Variants in RAB30 observed in about 807,000 individuals in gnomAD.
The protein encoded by RAB30 is RAB30, member RAS oncogene family, also known as ras-related protein Rab-30.
Under a neutral mutation model 25.1 loss-of-function variants are expected in RAB30, and 9 were observed. The ratio of observed to expected loss-of-function variants is 0.36; its 90% confidence interval spans 0.22 to 0.63. The LOEUF is 0.63. Among genes scored for constraint, RAB30 ranks in the 20% least tolerant of loss-of-function variants. RAB30 has a pLI of 0.69. For synonymous variants in RAB30, 77 were observed against 86.4 expected (o/e 0.89, Z 0.60); for missense variants, 140 against 243.5 (o/e 0.58, Z 2.83).
intron 4 of RAB30, among the ~76,000 whole-genome samples, chr11:82,986,621 G>C (rs1856743121): frequency 6.6e-6 from 1 of 152,216 alleles, no homozygotes; most frequent in African/African-American, 2.4e-5. Flanking sequence ...GAAAAGTCCA[G>C]CAATTTGTTA....
intron 1 of RAB30, among the ~76,000 whole-genome samples, chr11:83,070,956 A>G (rs1438609094): frequency 6.6e-6 from 1 of 152,260 alleles, no homozygotes; most frequent in Admixed American, 6.5e-5. Flanking sequence ...ATGCAATGTA[A>G]TTTAAAACAC....
Position 83,054,413 on chromosome 11 carries a change from T to C in RAB30, c.-9+17278A>G, listed in dbSNP as rs571610675. Among the ~76,000 whole-genome samples the C allele has an allele frequency of 2.0e-5, 3 of 152,340 alleles. No homozygotes were observed. In the South Asian group the frequency reaches 6.2e-4, roughly 32 times the overall value. ...TGGCATATAATAGATATAAAACTTG[T>C]GTTTGATGAATGAATAAATTAGGTT... On this transcript the variant is annotated intron_variant, in intron 1 of 4. Transcript: ENST00000527633.
Position 82,973,158 on chromosome 11 carries a change from A to T in RAB30, c.*9007T>A, listed in dbSNP as rs1328602107. The T allele has an allele frequency of 6.6e-6, 1 of 152,232 alleles. No individual in the cohort carries two copies. The highest frequency in any genetic ancestry group is 1.5e-5 in the Non-Finnish European group (1 of 68,032). The allele number at this position is 152,232 out of a possible 1,614,324, so 9.4% of individuals were successfully genotyped here. Reference sequence around the variant, plus strand: ...TGTGGGCAACAGGAAATGTTTATTTATATACAAGTACATGGGAAAGCAATT... The same window carrying T: ...TGTGGGCAACAGGAAATGTTTATTTTTATACAAGTACATGGGAAAGCAATT... On this transcript the variant is annotated 3_prime_UTR_variant, in exon 5 of 5. Coordinates refer to ENST00000527633, the MANE Select transcript of RAB30 (RefSeq NM_001286060.2).
chr11:82,991,374 G>T (rs910084991), intron 3 of RAB30, among the ~76,000 whole-genome samples: 1 of 151,828 alleles, frequency 6.6e-6, no homozygotes, highest in Admixed American at 6.6e-5. Flanking sequence ...GGGCATGGTG[G>T]CACACACCTG....
Position 82,977,798 on chromosome 11 carries a change from T to C in RAB30, c.*4367A>G, listed in dbSNP as rs1160613318. 6.6e-6 allele frequency: 1 copy of C among 152,228 alleles called. No homozygotes were observed. Among genetic ancestry groups the C allele is most frequent in the Non-Finnish European group, 1.5e-5 (1 of 68,044 alleles). 9.4% of individuals were successfully genotyped at this position (152,228 alleles called of 1,614,324 possible). A position where few individuals can be genotyped will look rare whatever the true frequency, so the allele number is the denominator to read the frequency against. On this transcript the variant is annotated 3_prime_UTR_variant, in exon 5 of 5. Transcript: ENST00000527633. ...TTCAAAGTATGGCTCCTGGAAATGA[T>C]AATAACATTCCAACATCAAGGGACT...
At chr11:83,060,306 A>C (rs1858542848) in intron 1 of RAB30, 1 of 152,216 alleles carries the variant, frequency 6.6e-6, no homozygotes, top group Admixed American at 6.5e-5. Flanking sequence ...TCATCCCTTC[A>C]TGAATACCAA....
In RAB30 at chr11:83,011,525, TA is replaced by T. The variant is rs138419973; in HGVS notation, c.-8-14202del. ...ACTCTTAGGTCTATTTCAGTAGCCA[TA>T]AGCCAAGAACATGGCGAGTACTGTG... On this transcript the variant is annotated intron_variant, in intron 1 of 4. Coordinates refer to ENST00000527633, the MANE Select transcript of RAB30 (RefSeq NM_001286060.2). Among the ~76,000 whole-genome samples, 199 of 152,314 alleles carry T rather than the reference TA, an allele frequency of 1.3e-3. 1 individual carries two copies. The highest frequency in any genetic ancestry group is 4.6e-3 in the African/African-American group (191 of 41,576).
At chr11:83,032,400 G>A (rs1188111825) in intron 1 of RAB30, among the ~76,000 whole-genome samples, 3 of 152,220 alleles carry the variant, frequency 2.0e-5, no homozygotes, top group Non-Finnish European at 2.9e-5. Context: ...CTGGTGAGGA[G>A]GAAAGGGGGT....
chr11:83,041,530 T>A lies in RAB30; in HGVS notation c.-9+30161A>T, dbSNP rs1324093346. ...AGGCTGCATACACTACCAAGGAAGCTGCTGTTTGCAGCTATTGAACACCAG... is the reference window on the plus strand; with the variant it reads ...AGGCTGCATACACTACCAAGGAAGCAGCTGTTTGCAGCTATTGAACACCAG... On this transcript the variant is annotated intron_variant, in intron 1 of 4. Coordinates refer to ENST00000527633, the MANE Select transcript of RAB30 (RefSeq NM_001286060.2). 1.9e-5 allele frequency: 4 copies of A among 211,644 alleles called. No individual in the cohort carries two copies. The East Asian group carries it at 4.5e-4, about 24-fold the overall frequency. 13.1% of individuals were successfully genotyped at this position (211,644 alleles called of 1,614,324 possible). A position where few individuals can be genotyped will look rare whatever the true frequency, so the allele number is the denominator to read the frequency against.
intron 1 of RAB30, among the ~76,000 whole-genome samples, chr11:83,002,929 C>T (rs193081546): frequency 6.6e-6 from 1 of 152,352 alleles, no homozygotes; most frequent in East Asian, 1.9e-4. Context: ...TCTGACACAC[C>T]TCCAAACCCT....
At chr11:82,982,744 C>T (rs569456095) in intron 4 of RAB30, among the ~76,000 whole-genome samples, 18 of 152,188 alleles carry the variant, frequency 1.2e-4, no homozygotes, top group African/African-American at 4.3e-4. Flanking sequence ...CACCTGTAGT[C>T]CCAGCTACTT....
chr11:83,009,867 A>G (rs1857267627), intron 1 of RAB30, among the ~76,000 whole-genome samples: 1 of 152,164 alleles, frequency 6.6e-6, no homozygotes, highest in Admixed American at 6.5e-5. Flanking sequence ...GCAAGAGGAA[A>G]ATTCTGCTTC....
rs975434012 is a variant in RAB30, at chr11:83,044,568, G to A, written c.-9+27123C>T. Among the ~76,000 whole-genome samples the A allele has an allele frequency of 4.6e-5, 7 of 151,884 alleles. No individual in the cohort carries two copies. In the East Asian group the frequency reaches 1.2e-3, roughly 25 times the overall value. Reference sequence around the variant, plus strand: ...GTCTGTTCAAAGATCTTTGAACTTCGAAAAAGTCCAGAGCAATCCCATGTA... The same window carrying A: ...GTCTGTTCAAAGATCTTTGAACTTCAAAAAAGTCCAGAGCAATCCCATGTA... On this transcript the variant is annotated intron_variant, in intron 1 of 4. Coordinates refer to ENST00000527633, the MANE Select transcript of RAB30 (RefSeq NM_001286060.2).
chr11:83,027,191 A>G (rs1048839804), intron 1 of RAB30, among the ~76,000 whole-genome samples: 4 of 152,194 alleles, frequency 2.6e-5, no homozygotes, highest in African/African-American at 9.6e-5. Context: ...ATATCCATCA[A>G]GTGAAAACTA....
chr11:82,983,077 A>G (rs1302507077), intron 4 of RAB30, among the ~76,000 whole-genome samples: 1 of 151,244 alleles, frequency 6.6e-6, no homozygotes, highest in Admixed American at 6.6e-5. Context: ...AGCGAAGCAG[A>G]AAAAAAAAGC....
At chr11:83,004,757 C>A (rs1429358368) in intron 1 of RAB30, among the ~76,000 whole-genome samples, 2 of 151,948 alleles carry the variant, frequency 1.3e-5, no homozygotes, top group African/African-American at 4.8e-5. Flanking sequence ...TGTCTCTCAC[C>A]CCCTACTATC....
intron 1 of RAB30, among the ~76,000 whole-genome samples, chr11:82,998,074 G>T (rs1856996213): frequency 6.6e-6 from 1 of 152,056 alleles, no homozygotes; most frequent in Non-Finnish European, 1.5e-5. Context: ...CCCAAATAAA[G>T]TTAAACACTT....
intron 1 of RAB30, among the ~76,000 whole-genome samples, chr11:82,999,300 T>G (rs1857024571): frequency 6.6e-6 from 1 of 152,210 alleles, no homozygotes; most frequent in Admixed American, 6.5e-5. Flanking sequence ...ACCAGATTCA[T>G]GTTCCAAAGG....
chr11:83,019,444 G>A (rs1015072311), intron 1 of RAB30, among the ~76,000 whole-genome samples: 9 of 152,184 alleles, frequency 5.9e-5, no homozygotes, highest in African/African-American at 2.2e-4. Context: ...CAGGAAGCAA[G>A]TGGCTAGGAA....
Sources: gnomAD v4.1 joint callset for allele counts (sites outside exome capture counted in the v4.1 genomes callset) on GRCh38, gnomAD v4.1.1 for gene constraint, MANE v1.5 for transcripts, NCBI Gene and HGNC (gene_info 2026-07-23, HGNC 2026-07-21) for gene names.